The following RPL10 variants were observed in gnomAD, a reference collection of about 807,000 sequenced individuals.
RPL10 encodes the protein large ribosomal subunit protein uL16.
RPL10 carries 1 observed loss-of-function variant against 15.7 expected under a neutral mutation model. That is an observed-to-expected ratio of 0.06 (90% CI 0.02 to 0.30). The LOEUF (loss-of-function observed/expected upper bound fraction) is 0.30, where lower values mean the gene tolerates loss of function less well. RPL10 is among the 10% of genes least tolerant of loss of function. The pLI, the probability that RPL10 is intolerant of heterozygous loss-of-function variation, is 1.00. For synonymous variants in RPL10, 59 were observed against 64.0 expected, an observed-to-expected ratio of 0.92 and a Z score of 0.37; for missense variants, 54 against 183.4, an observed-to-expected ratio of 0.29 and a Z score of 4.08.
At position 154,400,952 on chromosome X, in the gene RPL10, C is replaced by T; in HGVS notation, c.*98C>T. The T allele has an allele frequency of 8.4e-7, 1 of 1,188,745 alleles. No individual in the cohort carries two copies. Among genetic ancestry groups the T allele is most frequent in the Non-Finnish European group, 1.1e-6 (1 of 883,616 alleles). ...ATCTACATTCTTGACGGGGAAGGAACTTCCTCTGGGAACCTTTGGGTCATT... is the reference window on the plus strand; with the variant it reads ...ATCTACATTCTTGACGGGGAAGGAATTTCCTCTGGGAACCTTTGGGTCATT... On this transcript the variant is annotated 3_prime_UTR_variant, in exon 7 of 7. Coordinates refer to ENST00000369817, the MANE Select transcript of RPL10 (RefSeq NM_006013.5).
At chrX:154,398,849 G>A in intron 2 of RPL10, 1 of 395,285 alleles carries the variant, frequency 2.5e-6, no homozygotes, top group Non-Finnish European at 4.6e-6. Flanking sequence ...TCTTATTTCC[G>A]GGCGACGTGC....
intron 5 of RPL10, 132 bp from the exon 6 acceptor site, chrX:154,400,332 C>T: frequency 1.4e-6 from 1 of 723,837 alleles, no homozygotes. Flanking sequence ...ACCCAGTGTG[C>T]GATGGCTGCA....
chrX:154,400,387 G>A, intron 5 of RPL10, 77 bp from the exon 6 acceptor site: 1 of 1,075,588 alleles, frequency 9.3e-7, no homozygotes, highest in Non-Finnish European at 1.3e-6. Flanking sequence ...TGGTTGTATG[G>A]GTTGCTCTAA....
Position 154,400,683 on chromosome X carries a change from T to C in RPL10, c.493-19T>C, listed in dbSNP as rs1340205902. The stretch of plus-strand genomic sequence containing the variant: ...TTTGCCCCAGGCCTCCTGACTCAGT[T>C]CTTTCCATTGCTCCTTAGATCCACA... On this transcript the variant is annotated intron_variant, in intron 6 of 6. Transcript: ENST00000369817. 8.3e-7 allele frequency: 1 copy of C among 1,209,510 alleles called. No individual in the cohort carries two copies. Among genetic ancestry groups the C allele is most frequent in the African/African-American group, 1.8e-5 (1 of 57,018 alleles).
intron 5 of RPL10, 65 bp downstream of exon 5, chrX:154,400,006 A>T: frequency 1.7e-6 from 2 of 1,174,904 alleles, no homozygotes; most frequent in Non-Finnish European, 2.3e-6. Flanking sequence ...GCATTATTTT[A>T]TCAGAGCATA....
At chrX:154,400,064 C>T in intron 5 of RPL10, 123 bp downstream of exon 5, 1 of 909,850 alleles carries the variant, frequency 1.1e-6, no homozygotes. Flanking sequence ...AAAAGCCAGG[C>T]TGGCAAGTGA....
chrX:154,398,899 C>T, intron 2 of RPL10: 1 of 361,815 alleles, frequency 2.8e-6, no homozygotes, highest in Non-Finnish European at 5.0e-6. Flanking sequence ...CCGGGAAAAA[C>T]GGGTGCGGCC....
At chrX:154,400,674 T>C in intron 6 of RPL10, 28 bp from the exon 7 acceptor site, 7 of 1,211,464 alleles carry the variant, frequency 5.8e-6, no homozygotes, top group Non-Finnish European at 7.8e-6. Context: ...CCAGGCCTCC[T>C]GACTCAGTTC....
At position 154,401,070 on chromosome X, in the gene RPL10, T is replaced by A; in HGVS notation, c.*216T>A. Reference sequence around the variant, plus strand: ...CTGGGACTGGTGGCCTTATGTCAGTTGTCTACTCTGGAGCTTGACTTGGAC... The same window carrying A: ...CTGGGACTGGTGGCCTTATGTCAGTAGTCTACTCTGGAGCTTGACTTGGAC... On this transcript the variant is annotated 3_prime_UTR_variant, in exon 7 of 7. Coordinates refer to ENST00000369817, the MANE Select transcript of RPL10 (RefSeq NM_006013.5). 9.4e-7 allele frequency: 1 copy of A among 1,060,534 alleles called. No homozygotes were observed. The highest frequency in any genetic ancestry group is 2.2e-5 in the South Asian group (1 of 45,189). The allele number at this position is 1,060,534 out of a possible 1,213,427, so 87.4% of individuals were successfully genotyped here. A position where few individuals can be genotyped will look rare whatever the true frequency, so the allele number is the denominator to read the frequency against.
rs1455927168 is a variant in RPL10, at chrX:154,401,514, C to A, written c.*660C>A. On this transcript the variant is annotated 3_prime_UTR_variant, in exon 7 of 7. Coordinates refer to ENST00000369817, the MANE Select transcript of RPL10 (RefSeq NM_006013.5). ...TTGTAACAAGACCTCGGAACAGACACGTGTGTGGCATGGTTTGGCCTGGGG... is the reference window on the plus strand; with the variant it reads ...TTGTAACAAGACCTCGGAACAGACAAGTGTGTGGCATGGTTTGGCCTGGGG... 7 of 119,753 alleles carry A rather than the reference C, an allele frequency of 5.8e-5. No homozygotes were observed. Among genetic ancestry groups the A allele is most frequent in the Admixed American group, 5.7e-4 (7 of 12,236 alleles). 9.9% of individuals were successfully genotyped at this position (119,753 alleles called of 1,213,427 possible).
Position 154,400,642 on chromosome X carries a change from GC to G in RPL10, c.492+21del. 1 of 1,211,438 alleles carries G rather than the reference GC, an allele frequency of 8.3e-7. No homozygotes were observed. On this transcript the variant is annotated intron_variant, in intron 6 of 6. Transcript: ENST00000369817. The stretch of plus-strand genomic sequence containing the variant: ...CCGCCAGAAGGTATGTAGTGCTGCA[GC>G]CCCCTTCTCCCACCTTTGCCCCAGG...
At chrX:154,398,422 C>A in intron 1 of RPL10, 28 bp downstream of exon 1, 3 of 1,053,569 alleles carry the variant, frequency 2.8e-6, no homozygotes, top group South Asian at 1.9e-5. Flanking sequence ...TCGTCTCTTG[C>A]GGTGCCGTTG....
chrX:154,398,663 T>C, intron 2 of RPL10, 121 bp downstream of exon 2: 1 of 872,184 alleles, frequency 1.1e-6, no homozygotes, highest in Non-Finnish European at 1.7e-6. Flanking sequence ...TCTTGGGAAC[T>C]GACCCTATGT....
chrX:154,398,575 G>A, intron 2 of RPL10, 33 bp downstream of exon 2: 1 of 1,209,204 alleles, frequency 8.3e-7, no homozygotes, highest in Non-Finnish European at 1.1e-6. Context: ...TTCACTGCTG[G>A]GAAACGGGCG....
upstream of RPL10, chrX:154,398,365 G>T: frequency 1.5e-6 from 1 of 683,581 alleles, no homozygotes; most frequent in Non-Finnish European, 2.4e-6. Flanking sequence ...CCATGCGCAG[G>T]CGGAGGAGCG....
chrX:154,398,404 C>T lies in RPL10; in HGVS notation c.-24+10C>T, dbSNP rs781884788. ...CTTTCCCTTCGGTGTGGTGAGTAAG[C>T]GCAGTTGTCGTCTCTTGCGGTGCCG... On this transcript the variant is annotated intron_variant, in intron 1 of 6. Transcript: ENST00000369817. The T allele has an allele frequency of 9.0e-5, 83 of 926,438 alleles. No homozygotes were observed. The highest frequency in any genetic ancestry group is 3.5e-4 in the African/African-American group (18 of 52,119). 76.3% of individuals were successfully genotyped at this position (926,438 alleles called of 1,213,427 possible). A position where few individuals can be genotyped will look rare whatever the true frequency, so the allele number is the denominator to read the frequency against.
intron 2 of RPL10, chrX:154,398,921 CCTA>C (rs1603368156): frequency 8.3e-6 from 3 of 359,443 alleles, no homozygotes; most frequent in African/African-American, 7.8e-5. Flanking sequence ...CCTCCTGTGT[CCTA>C]CAGGGGGCGC....
intron 5 of RPL10, chrX:154,400,145 C>G (rs782065590): frequency 5.4e-5 from 30 of 553,120 alleles, no homozygotes; most frequent in Non-Finnish European, 9.5e-5. Flanking sequence ...GCAAGCTCTT[C>G]CCCACAGGTT....
At chrX:154,398,618 T>C (rs782492325) in intron 2 of RPL10, 76 bp downstream of exon 2, 4 of 1,146,600 alleles carry the variant, frequency 3.5e-6, no homozygotes, top group Non-Finnish European at 4.8e-6. Context: ...CTGAAAACAA[T>C]TGTGGGGTGG....
Sources: allele counts gnomAD v4.1 joint callset, GRCh38; gene constraint gnomAD v4.1.1; transcripts MANE v1.5; gene names NCBI Gene and HGNC (gene_info 2026-07-23, HGNC 2026-07-21).